Variants in JMJD1C observed in about 807,000 individuals in gnomAD.
The protein encoded by JMJD1C is jumonji domain-containing protein 1C.
Under a neutral mutation model 245.3 loss-of-function variants are expected in JMJD1C, and 31 were observed. The ratio of observed to expected loss-of-function variants is 0.13; its 90% CI spans 0.09 to 0.17. The LOEUF (loss-of-function observed/expected upper bound fraction) is 0.17. Among genes scored for constraint, JMJD1C ranks in the 10% least tolerant of loss-of-function variants. The pLI, the probability that JMJD1C is intolerant of heterozygous loss-of-function variation, is 1.00. For synonymous variants in JMJD1C, 1,057 were observed against 1,017.4 expected (o/e 1.04, Z -0.74); for missense variants, 2,691 against 3,000.2 (o/e 0.90, Z 2.41).
Position 63,217,284 on chromosome 10 carries a change from A to C in JMJD1C, c.601T>G (p.Ser201Ala). Residue 201 changes from serine (S) to alanine (A), a missense_variant, in exon 5 of 26, where the codon TCT (serine) becomes GCT (alanine). By Grantham distance (99) the Ser-to-Ala change is moderately conservative. Coordinates refer to ENST00000399262, the MANE Select transcript of JMJD1C (RefSeq NM_032776.3). Reference sequence around the variant, plus strand: ...ATGCCAGTAAACCACTGGGTGGCAGAGTCTTGTCTATATACTCTCACTCTG... The same window carrying C: ...ATGCCAGTAAACCACTGGGTGGCAGCGTCTTGTCTATATACTCTCACTCTG... ...GYRVRVYRQD[S>A]ATQWFTGIIT... The C allele has an allele frequency of 2.5e-6, 4 of 1,611,604 alleles. No homozygotes were observed. The highest frequency in any genetic ancestry group is 3.4e-6 in the Non-Finnish European group (4 of 1,178,024).
intron 1 of JMJD1C, among the ~76,000 whole-genome samples, chr10:63,387,169 T>C (rs924113566): frequency 4.6e-5 from 7 of 151,968 alleles, no homozygotes; most frequent in Non-Finnish European, 7.4e-5. Flanking sequence ...CTAGGAAAAA[T>C]TCCTCCCCTA....
At chr10:63,179,994 TTTTC>T (rs916515393) in intron 22 of JMJD1C, among the ~76,000 whole-genome samples, 5 of 152,098 alleles carry the variant, frequency 3.3e-5, no homozygotes, top group Non-Finnish European at 7.4e-5. Context: ...AAACATATTT[TTTTC>T]TTTTTTTCTT....
At chr10:63,404,908 T>G (rs1281179954) in intron 1 of JMJD1C, among the ~76,000 whole-genome samples, 1 of 152,222 alleles carries the variant, frequency 6.6e-6, no homozygotes, top group Non-Finnish European at 1.5e-5. Flanking sequence ...ACACTTGTTC[T>G]AAGTCCATTT....
At chr10:63,350,374 C>A (rs1289960444) in intron 2 of JMJD1C, among the ~76,000 whole-genome samples, 3 of 152,162 alleles carry the variant, frequency 2.0e-5, no homozygotes, top group Non-Finnish European at 4.4e-5. Context: ...TGATTAAATA[C>A]CAACTACTGT....
chr10:63,309,930 A>G (rs2134041294), intron 2 of JMJD1C, among the ~76,000 whole-genome samples: 1 of 152,268 alleles, frequency 6.6e-6, no homozygotes, highest in South Asian at 2.1e-4. Context: ...AAAAAAAGAT[A>G]ATTTATAGTC....
chr10:63,185,484 T>G lies in JMJD1C; in HGVS notation c.6830+79A>C, dbSNP rs536685993. 51 of 824,052 alleles carry G rather than the reference T, an allele frequency of 6.2e-5. No individual in the cohort carries two copies. In the African/African-American group the frequency reaches 8.2e-4, roughly 13 times the overall value. 51.0% of individuals were successfully genotyped at this position (824,052 alleles called of 1,614,324 possible). A position where few individuals can be genotyped will look rare whatever the true frequency, so the allele number is the denominator to read the frequency against. ...AAAGAAAAAGCCTACAGGTCACATT[T>G]ACGGTTACTTATCCTATCTCTGGGG... is the stretch of plus-strand genomic sequence containing the variant. On this transcript the variant is annotated intron_variant, in intron 20 of 25. Coordinates refer to ENST00000399262, the MANE Select transcript of JMJD1C (RefSeq NM_032776.3).
chr10:63,304,088 T>G (rs887591307), intron 2 of JMJD1C, among the ~76,000 whole-genome samples: 2 of 152,210 alleles, frequency 1.3e-5, no homozygotes, highest in Non-Finnish European at 2.9e-5. Context: ...TTTGCCTTAC[T>G]TATCTTTGTA....
chr10:63,471,022 C>T (rs1288844682), intron 1 of JMJD1C, among the ~76,000 whole-genome samples: 1 of 152,180 alleles, frequency 6.6e-6, no homozygotes, highest in Non-Finnish European at 1.5e-5. Flanking sequence ...CCATTGAGCA[C>T]ACAGTAAGAG....
chr10:63,334,667 G>A lies in JMJD1C; in HGVS notation c.333+45651C>T, dbSNP rs575778977. ...GCCCAAGAGGTGGAGGTTGCAGCGA[G>A]CTGAGATTGTGCCAATGCCCCCCAG... On this transcript the variant is annotated intron_variant, in intron 2 of 25. Transcript: ENST00000399262. 1.5e-4 allele frequency among the ~76,000 whole-genome samples: 23 copies of A among 152,102 alleles called. No homozygotes were observed. In the South Asian group the frequency reaches 4.6e-3, roughly 30 times the overall value.
In JMJD1C at chr10:63,513,570, G is replaced by T. The variant is rs955542347; in HGVS notation, n.113+8168C>A. Among the ~76,000 whole-genome samples, 6 of 152,294 alleles carry T rather than the reference G, an allele frequency of 3.9e-5. No homozygotes were observed. In the East Asian group the frequency reaches 9.6e-4, roughly 24 times the overall value. ...ATTCACAAACCATGTATCTGACAAA[G>T]GTTTCATATCCAGAATTGATAATGA... On this transcript the variant is annotated intron_variant and non_coding_transcript_variant, in intron 1 of 3. Coordinates refer to the JMJD1C transcript ENST00000633035.
intron 1 of JMJD1C, among the ~76,000 whole-genome samples, chr10:63,432,670 G>T (rs1387621255): frequency 6.6e-6 from 1 of 152,160 alleles, no homozygotes; most frequent in Non-Finnish European, 1.5e-5. Flanking sequence ...TATCTATTTT[G>T]TTTAACCACT....
Position 63,215,064 on chromosome 10 carries a change from C to A in JMJD1C, c.1103G>T (p.Arg368Leu). 1 of 1,602,606 alleles carries A rather than the reference C, an allele frequency of 6.2e-7. No individual in the cohort carries two copies. The highest frequency in any genetic ancestry group is 1.3e-5 in the African/African-American group (1 of 74,304). The change falls in exon 8 of 26, where the codon CGA becomes CTA. Residue 368 changes from arginine to leucine, a missense_variant. Arg to Leu is a moderately radical substitution (Grantham distance 102). Coordinates refer to ENST00000399262, the MANE Select transcript of JMJD1C (RefSeq NM_032776.3). The part of the protein sequence containing the change: ...DEKKLNMKRL[R>L]TDNVSDFSES... ...AGAAAAGTCTGAAACATTGTCAGTT[C>A]GAAGTCTTTTCATATTTAGTTTCTT...
chr10:63,209,395 T>A (rs1325566684), intron 8 of JMJD1C, among the ~76,000 whole-genome samples, 160 bp from the exon 9 acceptor site: 1 of 152,162 alleles, frequency 6.6e-6, no homozygotes, highest in South Asian at 2.1e-4. Context: ...ATACATCTTA[T>A]GAGAAATATT....
chr10:63,244,057 G>C (rs933599153), intron 3 of JMJD1C, among the ~76,000 whole-genome samples: 1 of 152,148 alleles, frequency 6.6e-6, no homozygotes, highest in African/African-American at 2.4e-5. Context: ...GGAAGCATCA[G>C]GAACACCCAA....
intron 2 of JMJD1C, among the ~76,000 whole-genome samples, chr10:63,351,786 C>A (rs764268384): frequency 6.6e-6 from 1 of 152,062 alleles, no homozygotes; most frequent in Admixed American, 6.6e-5. Flanking sequence ...AGGTTAGCAC[C>A]GAGCAAATAC....
chr10:63,255,879 C>G (rs1212202367), intron 3 of JMJD1C, among the ~76,000 whole-genome samples: 1 of 152,030 alleles, frequency 6.6e-6, no homozygotes, highest in East Asian at 1.9e-4. Flanking sequence ...GAATAAAACT[C>G]TAATTCTGAG....
rs371231353 is a variant in JMJD1C, at chr10:63,179,164, C to T, written c.7085-1308G>A. ...TGGGATTACACCTGTAATCCCAGCA[C>T]TTTGGGAGGCCGAGGCAGGCGGATC... On this transcript the variant is annotated intron_variant, in intron 22 of 25. Coordinates refer to ENST00000399262, the MANE Select transcript of JMJD1C (RefSeq NM_032776.3). Among the ~76,000 whole-genome samples the T allele has an allele frequency of 5.9e-5, 9 of 152,166 alleles. No homozygotes were observed. The East Asian group carries it at 9.7e-4, about 16-fold the overall frequency.
intron 1 of JMJD1C, among the ~76,000 whole-genome samples, chr10:63,498,391 A>T (rs749683369): frequency 4.6e-5 from 7 of 152,178 alleles, no homozygotes; most frequent in Non-Finnish European, 8.8e-5. Flanking sequence ...TACTATTAAA[A>T]TGTTTTATTT....
intron 2 of JMJD1C, among the ~76,000 whole-genome samples, chr10:63,271,092 T>C (rs1856244501): frequency 6.6e-6 from 1 of 152,290 alleles, no homozygotes; most frequent in Non-Finnish European, 1.5e-5. Context: ...TATGGTAACA[T>C]GCACTGAAAC....
Sources: gnomAD v4.1 joint callset for allele counts (sites outside exome capture counted in the v4.1 genomes callset) on GRCh38, gnomAD v4.1.1 for gene constraint, MANE v1.5 for transcripts, NCBI Gene and HGNC (gene_info 2026-07-23, HGNC 2026-07-21) for gene names.